Variants in VAV3 observed in about 807,000 individuals in gnomAD.
VAV3 encodes vav guanine nucleotide exchange factor 3.
A neutral mutation model predicts 131.2 loss-of-function variants in VAV3; 94 were observed. The ratio of observed to expected loss-of-function variants is 0.72; its 90% CI spans 0.61 to 0.85. The LOEUF is 0.85. Ranked by LOEUF, VAV3 falls within the 40% of genes least tolerant of loss-of-function variation. The probability of loss-of-function intolerance (pLI) is 0.00; values close to 1 mark genes in which losing one functional copy is unlikely to be tolerated. For synonymous variants in VAV3, 349 were observed against 342.0 expected (o/e 1.02, Z -0.22); for missense variants, 939 against 1,002.7 (o/e 0.94, Z 0.86).
At chr1:107,779,523 T>C in intron 2 of VAV3, 31 bp from the exon 3 acceptor site, 1 of 1,531,060 alleles carries the variant, frequency 6.5e-7, no homozygotes, top group South Asian at 1.3e-5. Context: ...TAATTAGATA[T>C]GTAGTTCAGA....
intron 15 of VAV3, among the ~76,000 whole-genome samples, chr1:107,736,200 ACG>A (rs1662618620): frequency 1.3e-5 from 2 of 152,190 alleles, no homozygotes; most frequent in Non-Finnish European, 2.9e-5. Flanking sequence ...TACTGATGGA[ACG>A]TATCTCAAAA....
Position 107,790,085 on chromosome 1 carries a change from C to G in VAV3, c.322-10593G>C, listed in dbSNP as rs60051670. Among the ~76,000 whole-genome samples, 1,038 of 152,284 alleles carry G rather than the reference C, an allele frequency of 6.8e-3. 10 individuals carry two copies. The highest frequency in any genetic ancestry group is 0.024 in the African/African-American group (987 of 41,552). ...ATAGCGTGACATGCCATCCCAAAGC[C>G]CCCCCAGCTTGATATGGGCAAAGCA... is the stretch of plus-strand genomic sequence containing the variant. On this transcript the variant is annotated intron_variant, in intron 2 of 26. Coordinates refer to ENST00000370056, the MANE Select transcript of VAV3 (RefSeq NM_006113.5).
At chr1:107,621,438 T>C (rs1370847279) in intron 20 of VAV3, among the ~76,000 whole-genome samples, 2 of 152,082 alleles carry the variant, frequency 1.3e-5, no homozygotes, top group Non-Finnish European at 2.9e-5. Flanking sequence ...CTTTGGTTTC[T>C]TGGTGGATGT....
intron 2 of VAV3, among the ~76,000 whole-genome samples, chr1:107,782,382 T>C (rs909362984): frequency 2.0e-5 from 3 of 152,190 alleles, no homozygotes; most frequent in East Asian, 1.9e-4. Context: ...ATTTTTTTCA[T>C]GAGTGTCCAC....
At chr1:107,751,374 G>C (rs1006630234) in intron 12 of VAV3, among the ~76,000 whole-genome samples, 172 bp from the exon 13 acceptor site, 1 of 152,144 alleles carries the variant, frequency 6.6e-6, no homozygotes, top group Admixed American at 6.5e-5. Context: ...TGACAAATAA[G>C]TCTGTCCTCT....
At chr1:107,938,309 A>G (rs1391811709) in intron 1 of VAV3, among the ~76,000 whole-genome samples, 1 of 152,148 alleles carries the variant, frequency 6.6e-6, no homozygotes, top group African/African-American at 2.4e-5. Context: ...AACTCAAGGA[A>G]AGCTGAGGAG....
In VAV3 at chr1:107,592,990, G is replaced by C. The variant is rs142952941; in HGVS notation, c.2350+3222C>G. ...TGAAGTTTCTAGAGGAAGCCCAAGA[G>C]CTCCCTGCTATGCCTGAGTTCTCTC... is the stretch of plus-strand genomic sequence containing the variant. On this transcript the variant is annotated intron_variant, in intron 25 of 26. Transcript: ENST00000370056. 9.8e-4 allele frequency among the ~76,000 whole-genome samples: 149 copies of C among 152,150 alleles called. 2 individuals are homozygous for C. In the East Asian group the frequency reaches 0.026, roughly 27 times the overall value.
chr1:107,719,993 A>G (rs564491584), intron 15 of VAV3, among the ~76,000 whole-genome samples: 2 of 152,144 alleles, frequency 1.3e-5, no homozygotes, highest in African/African-American at 4.8e-5. Flanking sequence ...CTCACTCATC[A>G]GTAGGAATGG....
chr1:107,920,649 G>A (rs1672851585), intron 1 of VAV3, among the ~76,000 whole-genome samples: 1 of 152,104 alleles, frequency 6.6e-6, no homozygotes, highest in Admixed American at 6.5e-5. Context: ...TTGCAAAATT[G>A]TTTTATGTAA....
chr1:107,679,155 A>G (rs947076446), intron 19 of VAV3, among the ~76,000 whole-genome samples: 2 of 152,150 alleles, frequency 1.3e-5, no homozygotes, highest in African/African-American at 4.8e-5. Context: ...GTTATATGTC[A>G]ATCCTATCCA....
At chr1:107,947,043 C>A (rs1182335988) in intron 1 of VAV3, among the ~76,000 whole-genome samples, 1 of 152,216 alleles carries the variant, frequency 6.6e-6, no homozygotes, top group Non-Finnish European at 1.5e-5. Context: ...TGCCCTAGAT[C>A]ATCCAGCTAA....
chr1:107,708,556 C>T (rs1331240350), intron 15 of VAV3, among the ~76,000 whole-genome samples: 1 of 152,096 alleles, frequency 6.6e-6, no homozygotes, highest in African/African-American at 2.4e-5. Context: ...ACATGCTGTC[C>T]TTAGATGTTC....
At chr1:107,687,504 CAT>C (rs1167762272) in intron 18 of VAV3, among the ~76,000 whole-genome samples, 2 of 152,070 alleles carry the variant, frequency 1.3e-5, no homozygotes, top group African/African-American at 4.8e-5. Context: ...ACTAATCACA[CAT>C]AGTTTGTATT....
chr1:107,909,837 C>G (rs929571291), intron 1 of VAV3, among the ~76,000 whole-genome samples: 16 of 152,264 alleles, frequency 1.1e-4, no homozygotes, highest in African/African-American at 3.4e-4. Flanking sequence ...TCTTTCTAAT[C>G]AGTGAAGAAT....
chr1:107,785,504 C>T (rs1000935892), intron 2 of VAV3: 9 of 1,317,002 alleles, frequency 6.8e-6, no homozygotes, highest in Non-Finnish European at 8.0e-6. Context: ...CATGCTAGAG[C>T]CCCAAATGCA....
At chr1:107,858,119 G>GGT (rs1669557981) in intron 2 of VAV3, among the ~76,000 whole-genome samples, 1 of 152,082 alleles carries the variant, frequency 6.6e-6, no homozygotes, top group Non-Finnish European at 1.5e-5. Flanking sequence ...TCACTCTTAA[G>GGT]TGAGTTAACC....
chr1:107,658,749 T>C (rs1372914829), intron 19 of VAV3, among the ~76,000 whole-genome samples: 1 of 152,208 alleles, frequency 6.6e-6, no homozygotes, highest in African/African-American at 2.4e-5. Flanking sequence ...AATGTCTTCT[T>C]TTGAGAAGTG....
chr1:107,776,920 A>T (rs924300659), intron 4 of VAV3, among the ~76,000 whole-genome samples: 1 of 152,258 alleles, frequency 6.6e-6, no homozygotes, highest in African/African-American at 2.4e-5. Flanking sequence ...CAACTCCAGC[A>T]GCAGATTCTA....
chr1:107,729,282 A>G (rs543208057), intron 15 of VAV3, among the ~76,000 whole-genome samples: 1 of 152,350 alleles, frequency 6.6e-6, no homozygotes, highest in Admixed American at 6.5e-5. Context: ...ATCAGAGAAC[A>G]GATCCCTGAG....
Sources: allele counts gnomAD v4.1 joint callset (sites outside exome capture counted in the v4.1 genomes callset), GRCh38; gene constraint gnomAD v4.1.1; transcripts MANE v1.5; gene names NCBI Gene and HGNC (gene_info 2026-07-23, HGNC 2026-07-21).